The following CGNL1 variants were observed in gnomAD, a reference collection of about 807,000 sequenced individuals.
CGNL1 encodes the protein cingulin-like protein 1.
CGNL1 carries 132 observed loss-of-function variants against 141.2 expected under a neutral mutation model. That is an observed-to-expected ratio of 0.93 (90% CI 0.81 to 1.08). The LOEUF (loss-of-function observed/expected upper bound fraction) is 1.08, where lower values mean the gene tolerates loss of function less well. Ranked by LOEUF, CGNL1 falls within the 50% of genes least tolerant of loss-of-function variation. The pLI is 0.00. For missense variants in CGNL1, 1,870 were observed against 1,588.6 expected (o/e 1.18, Z -3.01); for synonymous variants, 690 against 622.1 (o/e 1.11, Z -1.63).
rs1330547057 is a variant in CGNL1, at chr15:57,516,660, C to T, written c.2404-120C>T. 5 of 1,048,172 alleles carry T rather than the reference C, an allele frequency of 4.8e-6. No homozygotes were observed. The African/African-American group carries it at 8.0e-5, about 17-fold the overall frequency. The allele number at this position is 1,048,172 out of a possible 1,614,324, so 64.9% of individuals were successfully genotyped here. On this transcript the variant is annotated intron_variant, in intron 8 of 18. Coordinates refer to ENST00000281282, the MANE Select transcript of CGNL1 (RefSeq NM_032866.5). The stretch of plus-strand genomic sequence containing the variant: ...GGCTGTCGTTTGCCGACCCCTGGCT[C>T]AGCACAGGGCCTGGCTAAGTGGGCA...
chr15:57,547,318 C>T, intron 18 of CGNL1, 37 bp from the exon 19 acceptor site: 1 of 1,610,740 alleles, frequency 6.2e-7, no homozygotes, highest in Non-Finnish European at 8.5e-7. Flanking sequence ...GGGCCCCGGC[C>T]CAGGGCCAGG....
At chr15:57,496,221 G>T (rs540669073) in intron 8 of CGNL1, among the ~76,000 whole-genome samples, 67 of 152,224 alleles carry the variant, frequency 4.4e-4, no homozygotes, top group African/African-American at 1.6e-3. Context: ...AAACCAAAAC[G>T]TGACTGTTTC....
chr15:57,477,131 G>A (rs566859197), intron 8 of CGNL1, among the ~76,000 whole-genome samples: 1 of 152,150 alleles, frequency 6.6e-6, no homozygotes, highest in African/African-American at 2.4e-5. Context: ...CTTACAGTTA[G>A]AAATAAAAGG....
intron 1 of CGNL1, among the ~76,000 whole-genome samples, chr15:57,425,362 T>G (rs1158877121): frequency 6.6e-6 from 1 of 152,032 alleles, no homozygotes; most frequent in African/African-American, 2.4e-5. Flanking sequence ...ATACCCTGTC[T>G]CAAAAATAAA....
At chr15:57,546,610 G>T (rs1022500546) in intron 18 of CGNL1, among the ~76,000 whole-genome samples, 8 of 152,168 alleles carry the variant, frequency 5.3e-5, no homozygotes, top group African/African-American at 1.9e-4. Context: ...TGAAGTTCTG[G>T]TTTGTATCCT....
rs368681457 is a variant in CGNL1, at chr15:57,517,012, G to A, written c.2610+26G>A. The A allele has an allele frequency of 1.3e-5, 20 of 1,597,794 alleles. No homozygotes were observed. The African/African-American group carries it at 2.7e-4, about 21-fold the overall frequency. On this transcript the variant is annotated intron_variant, in intron 9 of 18. Transcript: ENST00000281282. ...GTGAGGCTCGCTGGGCCCAGGCCCAGCTTTGGCAGCTGCTGCTCCTTCTTT... is the reference window on the plus strand; with the variant it reads ...GTGAGGCTCGCTGGGCCCAGGCCCAACTTTGGCAGCTGCTGCTCCTTCTTT...
chr15:57,439,524 C>G lies in CGNL1; in HGVS notation c.1525C>G (p.Arg509Gly), dbSNP rs1178562309. ...CACCGCTACGCTGATGTTACAGAAC[C>G]GGGCAACAGCAACTTCGCCTGATTC... ...TATATLMLQNRATATSPDSGA... is the reference protein window; with the variant it reads ...TATATLMLQNGATATSPDSGA... Residue 509 changes from arginine (R) to glycine (G), a missense_variant, in exon 2 of 19, where the codon CGG (arginine) becomes GGG (glycine). Arg to Gly is a moderately radical substitution (Grantham distance 125). Coordinates refer to ENST00000281282, the MANE Select transcript of CGNL1 (RefSeq NM_032866.5). 1 of 1,614,142 alleles carries G rather than the reference C, an allele frequency of 6.2e-7. No homozygotes were observed. The highest frequency in any genetic ancestry group is 8.5e-7 in the Non-Finnish European group (1 of 1,179,996).
intron 1 of CGNL1, among the ~76,000 whole-genome samples, chr15:57,427,428 CG>C (rs1567109943): frequency 6.6e-6 from 1 of 152,068 alleles, no homozygotes; most frequent in African/African-American, 2.4e-5. Context: ...CTGACTCATG[CG>C]TTTATGAGAC....
At chr15:57,530,549 T>A (rs1169940371) in intron 13 of CGNL1, among the ~76,000 whole-genome samples, 2 of 152,190 alleles carry the variant, frequency 1.3e-5, no homozygotes, top group Non-Finnish European at 2.9e-5. Context: ...CTGTTGTATG[T>A]AAATGCAGCT....
At chr15:57,528,539 A>G in intron 12 of CGNL1, 115 bp from the exon 13 acceptor site, 3 of 1,022,204 alleles carry the variant, frequency 2.9e-6, no homozygotes, top group South Asian at 1.5e-5. Context: ...GATCTCCCAT[A>G]TTGTGGGAGT....
At chr15:57,516,158 C>CATA (rs2030773606) in intron 8 of CGNL1, among the ~76,000 whole-genome samples, 1 of 73,274 alleles carries the variant, frequency 1.4e-5, no homozygotes, top group Non-Finnish European at 2.6e-5. Flanking sequence ...GACTCTGTCT[C>CATA]AAAAAAAAAA....
In CGNL1 at chr15:57,440,405, A is replaced by G. The variant is rs956517464; in HGVS notation, c.1631A>G (p.Gln544Arg). Residue 544 changes from glutamine to arginine, a missense_variant, in exon 3 of 19, where the codon CAA (glutamine) becomes CGA (arginine). Coordinates refer to ENST00000281282, the MANE Select transcript of CGNL1 (RefSeq NM_032866.5). ...ACACCGGATCTCTTAAAGGGCCAGC[A>G]AGAGCTCACTCAGCAAACCAATGAG... The part of the protein sequence containing the change: ...QATPDLLKGQ[Q>R]ELTQQTNEET... 1.9e-5 allele frequency: 30 copies of G among 1,602,764 alleles called. No homozygotes were observed. Among genetic ancestry groups the G allele is most frequent in the Non-Finnish European group, 2.5e-5 (29 of 1,174,144 alleles).
At chr15:57,437,897 G>T (rs375621278) in intron 1 of CGNL1, 88 bp from the exon 2 acceptor site, 1 of 1,245,284 alleles carries the variant, frequency 8.0e-7, no homozygotes, top group African/African-American at 1.5e-5. Flanking sequence ...GAACTTTGAA[G>T]TTTCCCCTTC....
At chr15:57,430,355 C>G (rs574651571) in intron 1 of CGNL1, among the ~76,000 whole-genome samples, 1 of 152,232 alleles carries the variant, frequency 6.6e-6, no homozygotes, top group South Asian at 2.1e-4. Flanking sequence ...GAGAAACTTT[C>G]AGAAATCATT....
intron 8 of CGNL1, among the ~76,000 whole-genome samples, chr15:57,488,045 A>G (rs1177389512): frequency 1.3e-5 from 2 of 152,160 alleles, no homozygotes; most frequent in Non-Finnish European, 2.9e-5. Flanking sequence ...TCATTTCTCC[A>G]CATCCTCTCC....
chr15:57,547,418 TG>T lies in CGNL1; in HGVS notation c.3842del (p.Gly1281GlufsTer8). The T allele has an allele frequency of 3.1e-6, 5 of 1,614,192 alleles. No individual in the cohort carries two copies. Among genetic ancestry groups the T allele is most frequent in the Non-Finnish European group, 4.2e-6 (5 of 1,180,024 alleles). On this transcript the variant is annotated frameshift_variant, in exon 19 of 19. Transcript: ENST00000281282. LOFTEE classifies it high-confidence loss of function. ...MDDDDDLSTD[G>X]GSLYEAPVSY... ...ATGACGACGATGACCTCAGCACGGA[TG>T]GGGGAAGCCTCTATGAGGCGCCTGT...
At chr15:57,426,177 C>G (rs554788155) in intron 1 of CGNL1, among the ~76,000 whole-genome samples, 6 of 152,118 alleles carry the variant, frequency 3.9e-5, no homozygotes, top group African/African-American at 1.4e-4. Flanking sequence ...CAGGGTCTTG[C>G]TCTGTCACCC....
intron 12 of CGNL1, among the ~76,000 whole-genome samples, chr15:57,525,402 C>T (rs1166213708): frequency 6.6e-6 from 1 of 152,230 alleles, no homozygotes; most frequent in Non-Finnish European, 1.5e-5. Flanking sequence ...TAAGCACAGC[C>T]TATGCTGATT....
At chr15:57,501,878 G>A (rs2064030224) in intron 8 of CGNL1, among the ~76,000 whole-genome samples, 2 of 152,198 alleles carry the variant, frequency 1.3e-5, no homozygotes, top group Non-Finnish European at 2.9e-5. Flanking sequence ...CAGGGGGGAA[G>A]TTCTGGGAAG....
Sources: allele counts gnomAD v4.1 joint callset (sites outside exome capture counted in the v4.1 genomes callset), GRCh38; gene constraint gnomAD v4.1.1; transcripts MANE v1.5; gene names NCBI Gene and HGNC (gene_info 2026-07-23, HGNC 2026-07-21).